The following PAM16 variants were observed in gnomAD, a reference collection of about 807,000 sequenced individuals.
The protein encoded by PAM16 is presequence translocase associated motor 16, also known as mitochondrial import inner membrane translocase subunit TIM16.
PAM16 carries 11 observed loss-of-function variants against 17.9 expected under a neutral mutation model. That is an observed-to-expected ratio of 0.62 (90% confidence interval 0.39 to 1.02). The LOEUF is 1.02. Among genes scored for constraint, PAM16 ranks in the 50% least tolerant of loss-of-function variants. The pLI is 0.01. For missense variants in PAM16, 199 were observed against 165.4 expected (o/e 1.20, Z -1.11); for synonymous variants, 72 against 67.4 (o/e 1.07, Z -0.34).
intron 2 of PAM16, among the ~76,000 whole-genome samples, chr16:4,342,073 G>A (rs1317237956): frequency 1.3e-5 from 2 of 152,232 alleles, no homozygotes; most frequent in South Asian, 2.1e-4. Flanking sequence ...CCTGTCGGCC[G>A]GGCACAGTGG....
chr16:4,345,609 A>G (rs999017315), intron 1 of PAM16: 2 of 152,622 alleles, frequency 1.3e-5, no homozygotes, highest in Non-Finnish European at 2.9e-5. Flanking sequence ...CATTAGGGGA[A>G]TGAACAAACA....
In PAM16 at chr16:4,351,213, C is replaced by G; in HGVS notation, c.3+19G>C. ...CGACTCGGCTTCCCCTCCCCGGTAG[C>G]GCCCGACTCGGGGCTCACCATGGCA... On this transcript the variant is annotated intron_variant, in intron 1 of 4. Transcript: ENST00000318059. 2 of 1,401,836 alleles carry G rather than the reference C, an allele frequency of 1.4e-6. No individual in the cohort carries two copies. The highest frequency in any genetic ancestry group is 9.4e-7 in the Non-Finnish European group (1 of 1,065,264). The allele number at this position is 1,401,836 out of a possible 1,614,324, so 86.8% of individuals were successfully genotyped here.
chr16:4,343,810 C>T, intron 1 of PAM16: 1 of 400,332 alleles, frequency 2.5e-6, no homozygotes, highest in Non-Finnish European at 4.4e-6. Context: ...AACAAACTTA[C>T]TATGCAAACC....
intron 1 of PAM16, among the ~76,000 whole-genome samples, chr16:4,350,103 T>C (rs1007560594): frequency 6.6e-5 from 10 of 151,968 alleles, no homozygotes; most frequent in Admixed American, 4.6e-4. Flanking sequence ...CTCAAGAACC[T>C]GAACTTTTTT....
chr16:4,350,567 A>AT (rs1025352727), intron 1 of PAM16, among the ~76,000 whole-genome samples: 1 of 151,824 alleles, frequency 6.6e-6, no homozygotes, highest in African/African-American at 2.4e-5. Flanking sequence ...CACCCGGCTA[A>AT]TTTTTTAAAT....
chr16:4,343,572 GGC>G lies in PAM16; in HGVS notation c.4-283_4-282del, dbSNP rs1460666889. ...CTTCAGGAAAGGCGTAGAGGAGCAA[GGC>G]AAAGTGGCTGCAACCACCGGCTTCA... On this transcript the variant is annotated intron_variant, in intron 1 of 4. Transcript: ENST00000318059. The G allele has an allele frequency of 2.2e-5, 30 of 1,388,848 alleles. 1 individual carries two copies. The South Asian group carries it at 5.4e-4, about 25-fold the overall frequency. The allele number at this position is 1,388,848 out of a possible 1,614,324, so 86.0% of individuals were successfully genotyped here.
chr16:4,348,324 G>A (rs1412534183), intron 1 of PAM16: 5 of 152,188 alleles, frequency 3.3e-5, no homozygotes, highest in African/African-American at 9.7e-5. Flanking sequence ...ACCCTTCTGC[G>A]GGAGGGTTCT....
At chr16:4,344,242 G>C (rs1276003674) in intron 1 of PAM16, 6 of 200,286 alleles carry the variant, frequency 3.0e-5, no homozygotes, top group Non-Finnish European at 5.2e-5. Flanking sequence ...GGTTCCGTGA[G>C]AGGAGGGGGT....
At chr16:4,345,967 C>T (rs2053752069) in intron 1 of PAM16, 1 of 985,320 alleles carries the variant, frequency 1.0e-6, no homozygotes, top group Non-Finnish European at 1.2e-6. Context: ...CATCGTACAG[C>T]CTTGCAATCA....
intron 1 of PAM16, chr16:4,344,119 C>T: frequency 2.5e-6 from 1 of 396,768 alleles, no homozygotes; most frequent in Non-Finnish European, 4.4e-6. Flanking sequence ...GCCCTGGGGA[C>T]TCACTAAGAT....
At chr16:4,347,899 T>C (rs892587500) in intron 1 of PAM16, 1 of 152,254 alleles carries the variant, frequency 6.6e-6, no homozygotes, top group African/African-American at 2.4e-5. Context: ...CACTTCGTTG[T>C]TGGGCAGCAA....
chr16:4,341,253 C>G, intron 3 of PAM16, 115 bp downstream of exon 3: 2 of 1,464,254 alleles, frequency 1.4e-6, no homozygotes, highest in Non-Finnish European at 1.8e-6. Context: ...AGTTGGAGTC[C>G]GAGCTGGGTG....
In PAM16 at chr16:4,341,732, T is replaced by A. The variant is rs12445693; in HGVS notation, c.89-228A>T. ...GGTAAGGGCAGGATCTGACCGCTAA[T>A]CCTGGCTCCTGGTCCCCAACCTAGA... On this transcript the variant is annotated intron_variant, in intron 2 of 4. Transcript: ENST00000318059. The A allele has an allele frequency of 0.18, 118,802 of 659,324 alleles. 18,047 individuals carry two copies. Among genetic ancestry groups the A allele is most frequent in the African/African-American group, 0.65 (35,803 of 55,236 alleles). The allele number at this position is 659,324 out of a possible 1,614,324, so 40.8% of individuals were successfully genotyped here.
chr16:4,343,549 T>C, intron 1 of PAM16: 1 of 1,414,868 alleles, frequency 7.1e-7, no homozygotes, highest in Non-Finnish European at 9.2e-7. Context: ...ACCTCATCCT[T>C]CAGGAAAGGC....
intron 2 of PAM16, among the ~76,000 whole-genome samples, chr16:4,342,250 GGA>G (rs1367024868): frequency 6.6e-6 from 1 of 151,268 alleles, no homozygotes. Flanking sequence ...CCCAGCTACT[GGA>G]GAGGCTGAGG....
At chr16:4,342,287 G>A in intron 2 of PAM16, among the ~76,000 whole-genome samples, 1 of 152,164 alleles carries the variant, frequency 6.6e-6, no homozygotes, top group Admixed American at 6.5e-5. Context: ...GAACCCGGGA[G>A]GCAGAGGTTG....
At position 4,351,280 on chromosome 16, in the gene PAM16, C is replaced by T. The variant is rs769720091; in HGVS notation, c.-46G>A. On this transcript the variant is annotated 5_prime_UTR_variant, in exon 1 of 5. Coordinates refer to ENST00000318059, the MANE Select transcript of PAM16 (RefSeq NM_016069.11). ...GGCTCAAACTCCGACTTCCTGGCCCCGCGGCCGGGGATCAAGCGTGGTCGG... is the reference window on the plus strand; with the variant it reads ...GGCTCAAACTCCGACTTCCTGGCCCTGCGGCCGGGGATCAAGCGTGGTCGG... The T allele has an allele frequency of 9.7e-6, 14 of 1,445,310 alleles. No individual in the cohort carries two copies. The African/African-American group carries it at 1.6e-4, about 16-fold the overall frequency. The allele number at this position is 1,445,310 out of a possible 1,614,324, so 89.5% of individuals were successfully genotyped here. A position where few individuals can be genotyped will look rare whatever the true frequency, so the allele number is the denominator to read the frequency against.
intron 1 of PAM16, among the ~76,000 whole-genome samples, chr16:4,344,835 C>G (rs951807030): frequency 4.4e-5 from 4 of 90,316 alleles, no homozygotes; most frequent in Admixed American, 1.2e-4. Context: ...GGAGGGGGTT[C>G]TGTGAGAGGA....
chr16:4,341,537 C>T (rs1276098684), intron 2 of PAM16, 33 bp from the exon 3 acceptor site: 21 of 1,580,390 alleles, frequency 1.3e-5, no homozygotes, highest in Admixed American at 7.0e-5. Context: ...GCTCAGTCCT[C>T]AGCAGCCCAC....
Sources: allele counts gnomAD v4.1 joint callset (sites outside exome capture counted in the v4.1 genomes callset), GRCh38; gene constraint gnomAD v4.1.1; transcripts MANE v1.5; gene names NCBI Gene and HGNC (gene_info 2026-07-23, HGNC 2026-07-21).